The following GRHL3 variants were observed in gnomAD, a reference collection of about 807,000 sequenced individuals.
GRHL3 encodes the protein grainyhead-like protein 3 homolog.
In GRHL3, 20 loss-of-function variants were observed where a neutral mutation model predicts 70.3. That is an observed-to-expected ratio of 0.28 (90% confidence interval 0.20 to 0.41). GRHL3 has a LOEUF of 0.41. GRHL3 is among the 10% of genes least tolerant of loss of function. GRHL3 has a pLI of 1.00. For missense variants in GRHL3, 637 were observed against 762.3 expected, an observed-to-expected ratio of 0.84 and a Z score of 1.94; for synonymous variants, 299 against 299.9, an observed-to-expected ratio of 1.00 and a Z score of 0.03.
At chr1:24,335,083 T>C (rs936876359) in intron 3 of GRHL3, among the ~76,000 whole-genome samples, 2 of 150,138 alleles carry the variant, frequency 1.3e-5, no homozygotes, top group Admixed American at 1.3e-4. Flanking sequence ...CCCAGATGCC[T>C]ATAGGCCATG....
At chr1:24,324,410 T>C (rs1236051079) in intron 1 of GRHL3, among the ~76,000 whole-genome samples, 1 of 152,178 alleles carries the variant, frequency 6.6e-6, no homozygotes, top group Non-Finnish European at 1.5e-5. Context: ...GGAAGAGATA[T>C]CCCGATTCAT....
intron 1 of GRHL3, among the ~76,000 whole-genome samples, chr1:24,320,896 A>G (rs187224827): frequency 6.6e-6 from 1 of 152,192 alleles, no homozygotes; most frequent in Non-Finnish European, 1.5e-5. Flanking sequence ...CTCATCTGTA[A>G]ATAGTGGCCA....
intron 14 of GRHL3, among the ~76,000 whole-genome samples, chr1:24,348,702 T>C (rs1327623387): frequency 2.0e-5 from 3 of 152,230 alleles, no homozygotes; most frequent in Non-Finnish European, 2.9e-5. Flanking sequence ...GTCCAATTGA[T>C]GGTGAGAGAG....
rs1640087460 is a variant in GRHL3, at chr1:24,342,618, A to C, written c.1207-76A>C. 7.7e-7 allele frequency: 1 copy of C among 1,290,446 alleles called. No homozygotes were observed. Among genetic ancestry groups the C allele is most frequent in the Admixed American group, 1.7e-5 (1 of 58,306 alleles). 79.9% of individuals were successfully genotyped at this position (1,290,446 alleles called of 1,614,324 possible). ...GGACCAGAAGCTTGGCCCATATTTAAGATGCAAAGCAGCAGCTGTGAAAGT... is the reference window on the plus strand; with the variant it reads ...GGACCAGAAGCTTGGCCCATATTTACGATGCAAAGCAGCAGCTGTGAAAGT... On this transcript the variant is annotated intron_variant, in intron 9 of 15. Coordinates refer to ENST00000361548, the MANE Select transcript of GRHL3 (RefSeq NM_198173.3). The surrounding 1 kb of genome is among the most constrained non-coding windows in gnomAD (Gnocchi z 4.8).
At chr1:24,348,406 C>T (rs1640377236) in intron 14 of GRHL3, among the ~76,000 whole-genome samples, 1 of 152,206 alleles carries the variant, frequency 6.6e-6, no homozygotes, top group Admixed American at 6.5e-5. Context: ...GATGCCAGCC[C>T]AGGCTCTCCT....
In GRHL3 at chr1:24,334,288, G is replaced by T. The variant is rs1405552708; in HGVS notation, c.205-357G>T. On this transcript the variant is annotated intron_variant, in intron 2 of 15. Coordinates refer to ENST00000361548, the MANE Select transcript of GRHL3 (RefSeq NM_198173.3). The surrounding 1 kb of genome is among the most constrained non-coding windows in gnomAD (Gnocchi z 4.3). ...ACTCACAGTTCAGCATGGCCAGGGAGGCGTCAGGAAACTTAAATCATGGAG... is the reference window on the plus strand; with the variant it reads ...ACTCACAGTTCAGCATGGCCAGGGATGCGTCAGGAAACTTAAATCATGGAG... Among the ~76,000 whole-genome samples the T allele has an allele frequency of 6.6e-6, 1 of 152,188 alleles. No individual in the cohort carries two copies. Among genetic ancestry groups the T allele is most frequent in the Non-Finnish European group, 1.5e-5 (1 of 68,046 alleles).
chr1:24,319,486 G>A lies in GRHL3; in HGVS notation c.-66G>A. 6.9e-7 allele frequency: 1 copy of A among 1,455,832 alleles called. No individual in the cohort carries two copies. The allele number at this position is 1,455,832 out of a possible 1,614,324, so 90.2% of individuals were successfully genotyped here. ...CCCGGGCAGAGAATGTCTGTGTCAG[G>A]CAAGAATTAGAGACAAGCGGTCAGC... On this transcript the variant is annotated 5_prime_UTR_variant, in exon 1 of 16. Coordinates refer to ENST00000361548, the MANE Select transcript of GRHL3 (RefSeq NM_198173.3).
At position 24,342,637 on chromosome 1, in the gene GRHL3, T is replaced by G. The variant is rs548230104; in HGVS notation, c.1207-57T>G. On this transcript the variant is annotated intron_variant, in intron 9 of 15. Coordinates refer to ENST00000361548, the MANE Select transcript of GRHL3 (RefSeq NM_198173.3). This position sits in a 1 kb window ranked among gnomAD's most constrained non-coding sequence, Gnocchi z 4.8. ...TATTTAAGATGCAAAGCAGCAGCTGTGAAAGTAGCTAGCCCCTCCCAGGCC... is the reference window on the plus strand; with the variant it reads ...TATTTAAGATGCAAAGCAGCAGCTGGGAAAGTAGCTAGCCCCTCCCAGGCC... The G allele has an allele frequency of 7.1e-5, 103 of 1,440,848 alleles. No homozygotes were observed. The East Asian group carries it at 1.9e-3, about 26-fold the overall frequency. The allele number at this position is 1,440,848 out of a possible 1,614,324, so 89.3% of individuals were successfully genotyped here.
intron 7 of GRHL3, 71 bp from the exon 8 acceptor site, chr1:24,339,597 A>T: frequency 9.2e-7 from 1 of 1,085,326 alleles, no homozygotes; most frequent in South Asian, 1.5e-5. Flanking sequence ...CCCAGTTTTT[A>T]ATGCCTCCCT....
intron 1 of GRHL3, chr1:24,323,170 T>C (rs1359329825): frequency 1.7e-6 from 2 of 1,150,316 alleles, no homozygotes; most frequent in Non-Finnish European, 2.6e-6. Flanking sequence ...ATGTTACCTT[T>C]GGAGTCGTTA....
chr1:24,363,714 CAG>C (rs1402816186), intron 15 of GRHL3, among the ~76,000 whole-genome samples: 1 of 152,182 alleles, frequency 6.6e-6, no homozygotes, highest in Non-Finnish European at 1.5e-5. Flanking sequence ...GAGAAAGAGA[CAG>C]AGACAGAGGG....
rs151096181 is a variant in GRHL3, at chr1:24,337,739, C to T, written c.790C>T (p.Arg264Trp). 48 of 1,614,106 alleles carry T rather than the reference C, an allele frequency of 3.0e-5. 2 individuals are homozygous for T. The highest frequency in any genetic ancestry group is 2.2e-4 in the South Asian group (20 of 91,090). The change falls in exon 6 of 16, where the codon CGG (arginine) becomes TGG (tryptophan). Residue 264 changes from arginine (R) to tryptophan (W), a missense_variant. Around this residue, in one of 2 missense-constraint regions of GRHL3, gnomAD observed 387 missense variants for 513.8 expected, o/e 0.75. Transcript: ENST00000361548. ...NKGQFYPVTL[R>W]TPAGGKGLAL... is the part of the protein sequence containing the mutation. ...AGGCCAGTTCTACCCCGTCACCCTG[C>T]GGACCCCAGCAGGTGGCAAAGGCCT...
Position 24,334,764 on chromosome 1 carries a change from C to G in GRHL3, c.266+58C>G. ...CCTTCCCCACCTCCACCTGGAGCCTCTTCCACACAGGTTTGACTTATCCAT... is the reference window on the plus strand; with the variant it reads ...CCTTCCCCACCTCCACCTGGAGCCTGTTCCACACAGGTTTGACTTATCCAT... On this transcript the variant is annotated intron_variant, in intron 3 of 15. Coordinates refer to ENST00000361548, the MANE Select transcript of GRHL3 (RefSeq NM_198173.3). This position sits in a 1 kb window ranked among gnomAD's most constrained non-coding sequence, Gnocchi z 4.3. 7.1e-7 allele frequency: 1 copy of G among 1,413,692 alleles called. No individual in the cohort carries two copies. The highest frequency in any genetic ancestry group is 1.2e-5 in the South Asian group (1 of 81,988). 87.6% of individuals were successfully genotyped at this position (1,413,692 alleles called of 1,614,324 possible). A position where few individuals can be genotyped will look rare whatever the true frequency, so the allele number is the denominator to read the frequency against.
At chr1:24,352,694 T>C (rs1176514794) in intron 15 of GRHL3, among the ~76,000 whole-genome samples, 8 of 152,186 alleles carry the variant, frequency 5.3e-5, no homozygotes, top group African/African-American at 1.4e-4. Flanking sequence ...ACGCAATCAA[T>C]GGCAGACAAA....
intron 1 of GRHL3, among the ~76,000 whole-genome samples, chr1:24,320,703 T>G (rs1256254267): frequency 1.3e-5 from 2 of 152,236 alleles, no homozygotes; most frequent in Non-Finnish European, 2.9e-5. Context: ...CAGCTCTTCA[T>G]GTTCACAGCA....
downstream of GRHL3, among the ~76,000 whole-genome samples, chr1:24,356,777 C>T (rs1640736141): frequency 6.6e-6 from 1 of 152,250 alleles, no homozygotes. Context: ...TCCCTAACTC[C>T]ATCACTGCAG....
chr1:24,358,145 G>T, downstream of GRHL3: 1 of 469,748 alleles, frequency 2.1e-6, no homozygotes, highest in Non-Finnish European at 4.2e-6. Flanking sequence ...AAACAGGGAA[G>T]GGTGGGGCTT....
intron 15 of GRHL3, among the ~76,000 whole-genome samples, chr1:24,362,771 T>C (rs1317773056): frequency 6.6e-6 from 1 of 152,238 alleles, no homozygotes; most frequent in African/African-American, 2.4e-5. Flanking sequence ...AAAGCCATCA[T>C]AAATGTGCTT....
intron 14 of GRHL3, among the ~76,000 whole-genome samples, chr1:24,348,955 G>A (rs988814416): frequency 6.6e-6 from 1 of 152,224 alleles, no homozygotes; most frequent in Non-Finnish European, 1.5e-5. Flanking sequence ...AATCAACACC[G>A]ACGTCTTACA....
Sources: gnomAD v4.1 joint callset for allele counts (sites outside exome capture counted in the v4.1 genomes callset) on GRCh38, gnomAD v4.1.1 for gene constraint, gnomAD v4.1.1 regional missense constraint, Gnocchi (gnomAD v3.1) non-coding constraint, MANE v1.5 for transcripts, NCBI Gene and HGNC (gene_info 2026-07-23, HGNC 2026-07-21) for gene names.